Variants in NEDD4 observed in about 807,000 individuals in gnomAD.
The protein encoded by NEDD4 is E3 ubiquitin-protein ligase NEDD4.
Under a neutral mutation model 144.9 loss-of-function variants are expected in NEDD4, and 99 were observed. The observed-to-expected ratio is 0.68, with a 90% CI of 0.58 to 0.81. The LOEUF (loss-of-function observed/expected upper bound fraction) is 0.81, where lower values mean the gene tolerates loss of function less well. Among genes scored for constraint, NEDD4 ranks in the 30% least tolerant of loss-of-function variants. The pLI, the probability that NEDD4 is intolerant of heterozygous loss-of-function variation, is 0.00. For missense variants in NEDD4, 985 were observed against 1,065.9 expected (o/e 0.92, Z 1.06); for synonymous variants, 318 against 350.6 (o/e 0.91, Z 1.04).
chr15:55,854,118 C>G (rs556964478), intron 12 of NEDD4, among the ~76,000 whole-genome samples: 15 of 152,098 alleles, frequency 9.9e-5, no homozygotes, highest in African/African-American at 3.4e-4. Context: ...CTGGGCACTC[C>G]AGCCTGGACA....
intron 2 of NEDD4, among the ~76,000 whole-genome samples, chr15:55,960,946 T>C (rs1244856842): frequency 3.9e-5 from 6 of 152,232 alleles, no homozygotes; most frequent in African/African-American, 1.4e-4. Context: ...CTCTTCTCTC[T>C]GGCATCTGTA....
At chr15:55,916,197 G>C (rs2036437022) in intron 5 of NEDD4, 1 of 1,613,836 alleles carries the variant, frequency 6.2e-7, no homozygotes, top group African/African-American at 1.3e-5. Flanking sequence ...ACTTCTATTG[G>C]AGGTGCTGTC....
At chr15:55,939,698 G>C (rs1168488218) in intron 4 of NEDD4, among the ~76,000 whole-genome samples, 1 of 152,152 alleles carries the variant, frequency 6.6e-6, no homozygotes, top group East Asian at 1.9e-4. Context: ...TAGTTAACAA[G>C]TTTTGGTGAA....
At chr15:55,859,226 G>C (rs1318141264) in intron 11 of NEDD4, among the ~76,000 whole-genome samples, 5 of 152,156 alleles carry the variant, frequency 3.3e-5, no homozygotes, top group Admixed American at 6.5e-5. Flanking sequence ...ATATTAGACA[G>C]CTAGCTATGA....
At chr15:55,887,438 A>C (rs1304586738) in intron 5 of NEDD4, among the ~76,000 whole-genome samples, 1 of 152,180 alleles carries the variant, frequency 6.6e-6, no homozygotes, top group Non-Finnish European at 1.5e-5. Flanking sequence ...TTGAGCCATG[A>C]AGAAATCCAA....
rs1566922535 is a variant in NEDD4, at chr15:55,869,889, A to AATAAATC, written c.405-209_405-208insGATTTAT. On this transcript the variant is annotated intron_variant, in intron 7 of 28. Coordinates refer to ENST00000435532, the MANE Select transcript of NEDD4 (RefSeq NM_006154.4). ...TAAATAAATAAATAAATAAATAAAT[A>AATAAATC]AATAATTGTTATGACACAAAGAAGA... Among the ~76,000 whole-genome samples, 675 of 149,978 alleles carry AATAAATC rather than the reference A, an allele frequency of 4.5e-3. 5 individuals are homozygous for AATAAATC. The highest frequency in any genetic ancestry group is 0.015 in the African/African-American group (628 of 40,980).
chr15:55,867,474 G>A (rs191553939), intron 8 of NEDD4, among the ~76,000 whole-genome samples: 31 of 152,206 alleles, frequency 2.0e-4, no homozygotes, highest in Non-Finnish European at 2.6e-4. Flanking sequence ...CTTGGAGCAG[G>A]TTACTAAATA....
At chr15:55,916,435 T>C in intron 5 of NEDD4, 1 of 1,614,048 alleles carries the variant, frequency 6.2e-7, no homozygotes, top group Non-Finnish European at 8.5e-7. Flanking sequence ...TTCACAGCAT[T>C]CAATTCATTA....
intron 24 of NEDD4, among the ~76,000 whole-genome samples, chr15:55,836,662 A>C (rs544256357): frequency 1.1e-4 from 16 of 152,154 alleles, no homozygotes; most frequent in African/African-American, 3.9e-4. Flanking sequence ...AGTAGCTGGG[A>C]CTGCACGTGC....
chr15:55,942,661 T>G (rs972774392), intron 4 of NEDD4, among the ~76,000 whole-genome samples: 3 of 152,222 alleles, frequency 2.0e-5, no homozygotes, highest in Non-Finnish European at 4.4e-5. Flanking sequence ...AGCCGTTTTC[T>G]TTATAAACTG....
chr15:55,904,314 T>G (rs1566942902), intron 5 of NEDD4, among the ~76,000 whole-genome samples: 1 of 152,028 alleles, frequency 6.6e-6, no homozygotes, highest in Non-Finnish European at 1.5e-5. Context: ...TTTTATTTCA[T>G]TTTTTTGAGA....
chr15:55,907,108 TA>T (rs1170389890), intron 5 of NEDD4, among the ~76,000 whole-genome samples: 15 of 149,934 alleles, frequency 1.0e-4, no homozygotes, highest in African/African-American at 3.7e-4. Flanking sequence ...TAAAAAAAAA[TA>T]AAAATAAAAA....
At chr15:55,980,227 C>T (rs2037775948) in intron 1 of NEDD4, among the ~76,000 whole-genome samples, 1 of 152,234 alleles carries the variant, frequency 6.6e-6, no homozygotes, top group African/African-American at 2.4e-5. Context: ...GCCACTGCAC[C>T]TGGCCATCTT....
rs1442786683 is a variant in NEDD4 at position 55,857,042 on chromosome 15, A to G, written c.961-846T>C. Among the ~76,000 whole-genome samples the G allele has an allele frequency of 3.3e-5, 5 of 152,226 alleles. 1 individual carries two copies. Among genetic ancestry groups the G allele is most frequent in the African/African-American group, 1.2e-4 (5 of 41,460 alleles). ...TTAATGACTGTTTTAGTTGGTTTTT[A>G]AAGGAGTACATCTATCTGTACTGAA... On this transcript the variant is annotated intron_variant, in intron 11 of 28. Coordinates refer to ENST00000435532, the MANE Select transcript of NEDD4 (RefSeq NM_006154.4).
At chr15:55,863,613 A>G (rs1168147313) in intron 8 of NEDD4, among the ~76,000 whole-genome samples, 3 of 152,222 alleles carry the variant, frequency 2.0e-5, no homozygotes, top group African/African-American at 7.2e-5. Context: ...AAAAAGGACA[A>G]AAAATCGTTT....
intron 5 of NEDD4, among the ~76,000 whole-genome samples, chr15:55,874,670 A>G (rs185780871): frequency 1.3e-5 from 2 of 152,308 alleles, no homozygotes; most frequent in Admixed American, 1.3e-4. Flanking sequence ...CAGCTATGTT[A>G]ACTTGCTAGA....
At chr15:55,914,352 C>T (rs1291403896) in intron 5 of NEDD4, among the ~76,000 whole-genome samples, 1 of 151,420 alleles carries the variant, frequency 6.6e-6, no homozygotes, top group African/African-American at 2.4e-5. Flanking sequence ...TAAAACATTC[C>T]AAATACAGAA....
chr15:55,834,825 T>C (rs1272428339), intron 24 of NEDD4, among the ~76,000 whole-genome samples: 2 of 152,156 alleles, frequency 1.3e-5, no homozygotes, highest in Non-Finnish European at 2.9e-5. Flanking sequence ...TAAGTTCTAT[T>C]TGAGGGAAAA....
In NEDD4 at chr15:55,931,795, A is replaced by G. The variant is rs2036787075; in HGVS notation, c.238-7096T>C. On this transcript the variant is annotated intron_variant, in intron 4 of 28. Coordinates refer to ENST00000435532, the MANE Select transcript of NEDD4 (RefSeq NM_006154.4). ...ACATAGCATACACTCATCCCTTTGAAGTATACAATTCAATGGTTTTTAATA... is the reference window on the plus strand; with the variant it reads ...ACATAGCATACACTCATCCCTTTGAGGTATACAATTCAATGGTTTTTAATA... Among the ~76,000 whole-genome samples, 2 of 152,238 alleles carry G rather than the reference A, an allele frequency of 1.3e-5. 1 individual carries two copies. Among genetic ancestry groups the G allele is most frequent in the South Asian group, 4.1e-4 (2 of 4,838 alleles).
Sources: allele counts gnomAD v4.1 joint callset (sites outside exome capture counted in the v4.1 genomes callset), GRCh38; gene constraint gnomAD v4.1.1; transcripts MANE v1.5; gene names NCBI Gene and HGNC (gene_info 2026-07-23, HGNC 2026-07-21).